The following PDGFC variants were observed in gnomAD, a reference collection of about 807,000 sequenced individuals.
PDGFC encodes platelet-derived growth factor C.
PDGFC carries 12 observed loss-of-function variants against 35.5 expected under a neutral mutation model. That is an observed-to-expected ratio of 0.34 (90% CI 0.22 to 0.55). PDGFC has a LOEUF of 0.55. Among genes scored for constraint, PDGFC ranks in the 20% least tolerant of loss-of-function variants. PDGFC has a pLI of 0.91. For missense variants in PDGFC, 322 were observed against 412.4 expected (o/e 0.78, Z 1.90); for synonymous variants, 159 against 148.8 (o/e 1.07, Z -0.50).
intron 2 of PDGFC, among the ~76,000 whole-genome samples, chr4:156,823,026 AC>A (rs1732313805): frequency 6.6e-6 from 1 of 151,920 alleles, no homozygotes; most frequent in South Asian, 2.1e-4. Context: ...GAGCCACAGC[AC>A]CCAGCCCAGA....
chr4:156,946,368 A>C (rs1004541419), intron 1 of PDGFC, among the ~76,000 whole-genome samples: 1 of 152,060 alleles, frequency 6.6e-6, no homozygotes, highest in Non-Finnish European at 1.5e-5. Flanking sequence ...CAACCAACCC[A>C]CTTTAACGTA....
intron 1 of PDGFC, among the ~76,000 whole-genome samples, chr4:156,935,416 A>G (rs1388809143): frequency 6.6e-6 from 1 of 152,236 alleles, no homozygotes; most frequent in African/African-American, 2.4e-5. Context: ...TGCACTATAC[A>G]TAATGTTATG....
At chr4:156,799,167 C>G (rs1284452270) in intron 3 of PDGFC, among the ~76,000 whole-genome samples, 1 of 152,196 alleles carries the variant, frequency 6.6e-6, no homozygotes, top group Admixed American at 6.5e-5. Context: ...GCCTTGATCT[C>G]TTGCCTGAAT....
At chr4:156,779,485 C>A (rs940066322) in intron 3 of PDGFC, among the ~76,000 whole-genome samples, 3 of 152,098 alleles carry the variant, frequency 2.0e-5, no homozygotes, top group Non-Finnish European at 2.9e-5. Context: ...CCCATCACAG[C>A]AACAGTCCAG....
intron 2 of PDGFC, among the ~76,000 whole-genome samples, chr4:156,837,114 G>T (rs1012424798): frequency 2.5e-4 from 38 of 152,242 alleles, no homozygotes; most frequent in Admixed American, 1.2e-3. Context: ...AATACTGGAG[G>T]TATATCTAAA....
Position 156,822,175 on chromosome 4 carries a change from C to T in PDGFC, c.315-11158G>A, listed in dbSNP as rs376891454. On this transcript the variant is annotated intron_variant, in intron 2 of 5. Coordinates refer to ENST00000502773, the MANE Select transcript of PDGFC (RefSeq NM_016205.3). ...GAGATCGAGACCATCCTGGCTAACA[C>T]GGTGAAACCCCATCTCTACTAAAAT... 2.4e-3 allele frequency among the ~76,000 whole-genome samples: 367 copies of T among 151,866 alleles called. 1 individual carries two copies. Among genetic ancestry groups the T allele is most frequent in the African/African-American group, 8.5e-3 (352 of 41,448 alleles).
intron 1 of PDGFC, among the ~76,000 whole-genome samples, chr4:156,888,851 C>T (rs1179759170): frequency 6.6e-6 from 1 of 152,184 alleles, no homozygotes; most frequent in Non-Finnish European, 1.5e-5. Flanking sequence ...GCACACACAA[C>T]TCTCACATAA....
intron 5 of PDGFC, among the ~76,000 whole-genome samples, chr4:156,764,890 C>T (rs1730479077): frequency 1.3e-5 from 2 of 152,126 alleles, no homozygotes; most frequent in South Asian, 2.1e-4. Context: ...GCATAGACAA[C>T]GTCTTCAATT....
chr4:156,934,305 A>C lies in PDGFC; in HGVS notation c.118+36481T>G, dbSNP rs566311452. ...TGTTATTGTACTGAAAACTGTAGAC[A>C]ATTGTAATACAACGGTAAGTATTAT... On this transcript the variant is annotated intron_variant, in intron 1 of 5. Coordinates refer to ENST00000502773, the MANE Select transcript of PDGFC (RefSeq NM_016205.3). 1.1e-4 allele frequency among the ~76,000 whole-genome samples: 17 copies of C among 152,354 alleles called. 2 individuals carry two copies. The highest frequency in any genetic ancestry group is 6.5e-4 in the Admixed American group (10 of 15,308).
intron 1 of PDGFC, among the ~76,000 whole-genome samples, chr4:156,906,821 G>C (rs1357402733): frequency 6.6e-6 from 1 of 152,044 alleles, no homozygotes; most frequent in Non-Finnish European, 1.5e-5. Context: ...TTAATTTCTA[G>C]AATAATATCT....
At chr4:156,820,004 T>C (rs1432326355) in intron 2 of PDGFC, among the ~76,000 whole-genome samples, 2 of 152,086 alleles carry the variant, frequency 1.3e-5, no homozygotes, top group Non-Finnish European at 2.9e-5. Context: ...ACTGCACAGG[T>C]GGTGGAAATA....
chr4:156,906,726 T>C (rs1229861114), intron 1 of PDGFC, among the ~76,000 whole-genome samples: 1 of 152,198 alleles, frequency 6.6e-6, no homozygotes, highest in Non-Finnish European at 1.5e-5. Context: ...CATTTCCTCT[T>C]TGCAGACTTA....
chr4:156,792,308 A>G (rs1731319423), intron 3 of PDGFC, among the ~76,000 whole-genome samples: 2 of 152,198 alleles, frequency 1.3e-5, no homozygotes, highest in South Asian at 4.1e-4. Context: ...AGGAAAAGAC[A>G]ACTGTCAATA....
At chr4:156,800,584 A>G (rs1221407555) in intron 3 of PDGFC, among the ~76,000 whole-genome samples, 1 of 152,244 alleles carries the variant, frequency 6.6e-6, no homozygotes, top group Non-Finnish European at 1.5e-5. Context: ...TGATGAGAGT[A>G]GCATTTTCTC....
At chr4:156,913,633 C>A (rs1005980102) in intron 1 of PDGFC, among the ~76,000 whole-genome samples, 1 of 152,164 alleles carries the variant, frequency 6.6e-6, no homozygotes, top group East Asian at 1.9e-4. Context: ...ATTCCTAAGA[C>A]CCCAATAAAC....
chr4:156,824,983 C>A (rs1357530343), intron 2 of PDGFC, among the ~76,000 whole-genome samples: 2 of 151,958 alleles, frequency 1.3e-5, no homozygotes, highest in African/African-American at 4.8e-5. Flanking sequence ...AGACATAATG[C>A]CTTAATACAT....
intron 1 of PDGFC, among the ~76,000 whole-genome samples, chr4:156,903,150 T>C (rs574944511): frequency 2.0e-5 from 3 of 151,554 alleles, no homozygotes; most frequent in South Asian, 2.1e-4. Flanking sequence ...AGATCACATA[T>C]GTATTACAGT....
chr4:156,841,863 G>GGTCATTTGATAAAAGAGTCTT (rs1318991516), intron 2 of PDGFC, among the ~76,000 whole-genome samples: 3 of 152,068 alleles, frequency 2.0e-5, no homozygotes. Context: ...AACTATCTGT[G>GGTCATTTGATAAAAGAGTCTT]GTCATTTGAT....
intron 1 of PDGFC, among the ~76,000 whole-genome samples, chr4:156,859,960 G>C (rs995671782): frequency 6.6e-6 from 1 of 152,058 alleles, no homozygotes; most frequent in African/African-American, 2.4e-5. Context: ...TGGCTTGACT[G>C]TAACAACTAG....
Sources: gnomAD v4.1 joint callset for allele counts (sites outside exome capture counted in the v4.1 genomes callset) on GRCh38, gnomAD v4.1.1 for gene constraint, MANE v1.5 for transcripts, NCBI Gene and HGNC (gene_info 2026-07-23, HGNC 2026-07-21) for gene names.